HSPA12A: variants seen among roughly 807,000 people sequenced by gnomAD.
HSPA12A encodes the protein heat shock 70 kDa protein 12A.
A neutral mutation model predicts 69.2 loss-of-function variants in HSPA12A; 28 were observed. That is an observed-to-expected ratio of 0.40 (90% confidence interval 0.30 to 0.55). The LOEUF (loss-of-function observed/expected upper bound fraction) is 0.55. Ranked by LOEUF, HSPA12A falls within the 20% of genes least tolerant of loss-of-function variation. HSPA12A has a pLI of 0.38. For synonymous variants in HSPA12A, 345 were observed against 370.5 expected, an observed-to-expected ratio of 0.93 and a Z score of 0.79; for missense variants, 686 against 900.7, an observed-to-expected ratio of 0.76 and a Z score of 3.05.
chr10:116,797,822 C>A (rs1844864096), intron 2 of HSPA12A, among the ~76,000 whole-genome samples: 1 of 152,016 alleles, frequency 6.6e-6, no homozygotes, highest in Non-Finnish European at 1.5e-5. Flanking sequence ...AACACACAGG[C>A]CACAAAACGG....
chr10:116,728,640 A>G (rs1554885342), intron 1 of HSPA12A, among the ~76,000 whole-genome samples: 1 of 152,196 alleles, frequency 6.6e-6, no homozygotes, highest in Non-Finnish European at 1.5e-5. Flanking sequence ...GTGACCTCAG[A>G]ATCCTTCTTA....
intron 1 of HSPA12A, among the ~76,000 whole-genome samples, chr10:116,714,655 G>A (rs548663739): frequency 1.3e-5 from 2 of 152,186 alleles, no homozygotes; most frequent in East Asian, 3.9e-4. Flanking sequence ...ACCTTGTCAG[G>A]GTCTTCCCCT....
chr10:116,784,694 C>T (rs1554892152), intron 2 of HSPA12A, among the ~76,000 whole-genome samples: 1 of 152,226 alleles, frequency 6.6e-6, no homozygotes, highest in Non-Finnish European at 1.5e-5. Flanking sequence ...GTTGCCCTTG[C>T]AGTTGGGGAC....
chr10:116,726,394 C>G (rs1433143242), intron 1 of HSPA12A, among the ~76,000 whole-genome samples: 2 of 152,150 alleles, frequency 1.3e-5, no homozygotes, highest in Non-Finnish European at 2.9e-5. Context: ...CCTCTCTCCC[C>G]ACGCATGCAT....
At chr10:116,742,230 C>T (rs1387428066) in intron 1 of HSPA12A, among the ~76,000 whole-genome samples, 200 bp downstream of exon 1, 1 of 151,822 alleles carries the variant, frequency 6.6e-6, no homozygotes, top group Non-Finnish European at 1.5e-5. Context: ...ACATGTGACC[C>T]GCGGGCCGTC....
At chr10:116,844,391 C>A (rs1845847291) in intron 1 of HSPA12A, among the ~76,000 whole-genome samples, 1 of 152,186 alleles carries the variant, frequency 6.6e-6, no homozygotes. Flanking sequence ...ATTTCAAAAG[C>A]CTCCCCATTT....
chr10:116,701,163 T>A, intron 3 of HSPA12A, 34 bp from the exon 4 acceptor site: 1 of 1,598,786 alleles, frequency 6.3e-7, no homozygotes, highest in Non-Finnish European at 8.6e-7. Flanking sequence ...TATGGGGCCT[T>A]CTTTCAAAAT....
At chr10:116,838,264 G>C (rs1001641860) in intron 1 of HSPA12A, among the ~76,000 whole-genome samples, 6 of 152,132 alleles carry the variant, frequency 3.9e-5, no homozygotes, top group Non-Finnish European at 7.3e-5. Context: ...AACACAGCAA[G>C]GCAGGGTGGG....
chr10:116,774,437 C>G (rs1317944613), intron 2 of HSPA12A, among the ~76,000 whole-genome samples: 1 of 152,184 alleles, frequency 6.6e-6, no homozygotes, highest in Non-Finnish European at 1.5e-5. Context: ...CTCTTGGGCA[C>G]TTAATAGAAA....
At chr10:116,825,855 T>C (rs1289039792) in intron 2 of HSPA12A, among the ~76,000 whole-genome samples, 1 of 152,226 alleles carries the variant, frequency 6.6e-6, no homozygotes, top group Admixed American at 6.5e-5. Context: ...GTACTGCATG[T>C]GGATTATAGC....
intron 1 of HSPA12A, among the ~76,000 whole-genome samples, chr10:116,842,743 C>G (rs959856641): frequency 6.6e-6 from 1 of 152,162 alleles, no homozygotes; most frequent in African/African-American, 2.4e-5. Flanking sequence ...GCTGGGATTA[C>G]AGGCACCCAC....
chr10:116,679,896 A>G, intron 9 of HSPA12A, 135 bp from the exon 10 acceptor site: 1 of 802,736 alleles, frequency 1.2e-6, no homozygotes, highest in Non-Finnish European at 2.0e-6. Context: ...GTTTACTTAC[A>G]CTTCAGAACC....
At chr10:116,801,279 G>GA (rs1229540550) in intron 2 of HSPA12A, among the ~76,000 whole-genome samples, 1 of 152,216 alleles carries the variant, frequency 6.6e-6, no homozygotes, top group African/African-American at 2.4e-5. Flanking sequence ...AATGAAAAGA[G>GA]ATGGTGTGTT....
chr10:116,789,924 C>T (rs3125621), intron 2 of HSPA12A, among the ~76,000 whole-genome samples: 124,269 of 151,504 alleles, frequency 0.82, 52,974 homozygotes, highest in Non-Finnish European at 0.93. Flanking sequence ...ACCTCCACAC[C>T]CACTGTCATC....
chr10:116,719,716 AT>A (rs1242422580), intron 1 of HSPA12A, among the ~76,000 whole-genome samples: 1 of 152,250 alleles, frequency 6.6e-6, no homozygotes, highest in East Asian at 1.9e-4. Context: ...TGTACCTATT[AT>A]TACTTAGATG....
chr10:116,789,375 G>A (rs1198133709), intron 2 of HSPA12A, among the ~76,000 whole-genome samples: 1 of 152,094 alleles, frequency 6.6e-6, no homozygotes, highest in African/African-American at 2.4e-5. Context: ...AGAAGAAAAT[G>A]TTTCTTGAAG....
At chr10:116,849,789 T>A (rs1846009626), upstream of HSPA12A, 2 of 1,450,010 alleles carry the variant, frequency 1.4e-6, no homozygotes, top group African/African-American at 2.9e-5. Context: ...CGCCCCGCGC[T>A]GCGGCAACGC....
At chr10:116,812,812 G>C (rs1187687136) in intron 2 of HSPA12A, among the ~76,000 whole-genome samples, 1 of 152,180 alleles carries the variant, frequency 6.6e-6, no homozygotes, top group Admixed American at 6.5e-5. Context: ...CGTCAAAGAG[G>C]CGCAGACACA....
At chr10:116,756,356 T>A (rs1344690561) in intron 2 of HSPA12A, among the ~76,000 whole-genome samples, 3 of 152,238 alleles carry the variant, frequency 2.0e-5, no homozygotes, top group Non-Finnish European at 1.5e-5. Context: ...GGTGTGCTTG[T>A]GAGATCAGAG....
Sources: allele counts gnomAD v4.1 joint callset (sites outside exome capture counted in the v4.1 genomes callset), GRCh38; gene constraint gnomAD v4.1.1; transcripts MANE v1.5; gene names NCBI Gene and HGNC (gene_info 2026-07-23, HGNC 2026-07-21).